The following PCDHGA3 variants were observed in gnomAD, a reference collection of about 807,000 sequenced individuals.
PCDHGA3 encodes protocadherin gamma-A3.
Under a neutral mutation model 58.5 loss-of-function variants are expected in PCDHGA3, and 40 were observed. The observed-to-expected ratio is 0.68, with a 90% CI of 0.53 to 0.89. The LOEUF (loss-of-function observed/expected upper bound fraction) is 0.89, where lower values mean the gene tolerates loss of function less well. Among genes scored for constraint, PCDHGA3 ranks in the 40% least tolerant of loss-of-function variants. PCDHGA3 has a pLI of 0.00. For missense variants in PCDHGA3, 1,223 were observed against 1,195.9 expected (o/e 1.02, Z -0.33); for synonymous variants, 530 against 525.7 (o/e 1.01, Z -0.11).
Position 141,418,027 on chromosome 5 carries a change from T to A in PCDHGA3, c.2424+71570T>A, listed in dbSNP as rs536104184. 2.4e-5 allele frequency: 38 copies of A among 1,613,808 alleles called. 1 individual carries two copies. In the South Asian group the frequency reaches 4.2e-4, roughly 18 times the overall value. ...GGAACCTCGCTAAGGATCTAGGGCT[T>A]AGTGTCCTGGATGTGTCGGCTCGCG... On this transcript the variant is annotated intron_variant, in intron 1 of 3. Coordinates refer to ENST00000253812, the MANE Select transcript of PCDHGA3 (RefSeq NM_018916.4).
intron 1 of PCDHGA3, chr5:141,414,525 T>C (rs1413988459): frequency 1.2e-6 from 2 of 1,613,972 alleles, no homozygotes; most frequent in South Asian, 1.1e-5. Flanking sequence ...CAGATATCAA[T>C]GACAACCCAC....
Position 141,477,889 on chromosome 5 carries a change from A to T in PCDHGA3, c.2425-16918A>T. 1 of 1,614,152 alleles carries T rather than the reference A, an allele frequency of 6.2e-7. No homozygotes were observed. Among genetic ancestry groups the T allele is most frequent in the Admixed American group, 1.7e-5 (1 of 60,016 alleles). On this transcript the variant is annotated intron_variant, in intron 1 of 3. Coordinates refer to ENST00000253812, the MANE Select transcript of PCDHGA3 (RefSeq NM_018916.4). This position sits in a 1 kb window ranked among gnomAD's most constrained non-coding sequence, Gnocchi z 4.9. The stretch of plus-strand genomic sequence containing the variant: ...GTACCTCAGCTGGCCACCTAGTGTC[A>T]CGGGTGGTAGGCTGGGACGCGGATG...
At chr5:141,414,677 AG>A in intron 1 of PCDHGA3, 1 of 1,613,794 alleles carries the variant, frequency 6.2e-7, no homozygotes, top group Non-Finnish European at 8.5e-7. Context: ...GACACCATCC[AG>A]GGGGTACCTC....
chr5:141,426,104 A>T (rs2096915289), intron 1 of PCDHGA3, among the ~76,000 whole-genome samples: 1 of 152,258 alleles, frequency 6.6e-6, no homozygotes, highest in Non-Finnish European at 1.5e-5. Flanking sequence ...GTTCAGTCAC[A>T]GAAGCAAGTC....
chr5:141,389,832 C>G (rs758113562), intron 1 of PCDHGA3: 1 of 1,613,966 alleles, frequency 6.2e-7, no homozygotes, highest in Admixed American at 1.7e-5. Context: ...CGGTGGACAG[C>G]CACCACTCTC....
chr5:141,413,573 A>G (rs375156046), intron 1 of PCDHGA3: 12 of 1,613,768 alleles, frequency 7.4e-6, no homozygotes, highest in South Asian at 4.4e-5. Context: ...ATCAATGACA[A>G]TGCTCCAAAA....
chr5:141,383,800 A>C, intron 1 of PCDHGA3: 1 of 1,614,000 alleles, frequency 6.2e-7, no homozygotes, highest in Non-Finnish European at 8.5e-7. Flanking sequence ...TACAGGAGAA[A>C]TATCAACTTT....
At position 141,476,901 on chromosome 5, in the gene PCDHGA3, G is replaced by C; in HGVS notation, c.2425-17906G>C. On this transcript the variant is annotated intron_variant, in intron 1 of 3. Coordinates refer to ENST00000253812, the MANE Select transcript of PCDHGA3 (RefSeq NM_018916.4). The surrounding 1 kb of genome is among the most constrained non-coding windows in gnomAD (Gnocchi z 7.6). ...CTGGAGGATGCACCCTCCGGCACGC[G>C]CGTGGTACAAGTCCTTGCAACGGAT... The C allele has an allele frequency of 1.2e-6, 2 of 1,613,900 alleles. No homozygotes were observed. Among genetic ancestry groups the C allele is most frequent in the Non-Finnish European group, 1.7e-6 (2 of 1,180,034 alleles).
At chr5:141,375,460 C>G (rs184685234) in intron 1 of PCDHGA3, 288 of 1,614,022 alleles carry the variant, frequency 1.8e-4, no homozygotes, top group Non-Finnish European at 2.3e-4. Flanking sequence ...CCTACTCAGT[C>G]TATGTCCTTG....
intron 2 of PCDHGA3, among the ~76,000 whole-genome samples, chr5:141,496,189 G>A (rs1362938002): frequency 1.3e-5 from 2 of 152,004 alleles, no homozygotes; most frequent in Admixed American, 6.6e-5. Flanking sequence ...AGCCCCAGCT[G>A]CTCATTTCAA....
At chr5:141,426,625 A>G (rs770683989) in intron 1 of PCDHGA3, 29 of 394,754 alleles carry the variant, frequency 7.3e-5, no homozygotes, top group South Asian at 7.2e-5. Context: ...AATCCTCTAA[A>G]TGTTTTTCAC....
Position 141,490,909 on chromosome 5 carries a change from G to C in PCDHGA3, c.2425-3898G>C. ...ATCTCTGCATGTGTTTGTCCTAGAC[G>C]AGAATGATAATGCCCCAGCTGTGCT... On this transcript the variant is annotated intron_variant, in intron 1 of 3. Coordinates refer to ENST00000253812, the MANE Select transcript of PCDHGA3 (RefSeq NM_018916.4). This position sits in a 1 kb window ranked among gnomAD's most constrained non-coding sequence, Gnocchi z 5.4. 1 of 1,613,744 alleles carries C rather than the reference G, an allele frequency of 6.2e-7. No individual in the cohort carries two copies. The highest frequency in any genetic ancestry group is 2.2e-5 in the East Asian group (1 of 44,870).
In PCDHGA3 at chr5:141,409,316, C is replaced by T. The variant is rs114361948; in HGVS notation, c.2424+62859C>T. 56 of 1,613,968 alleles carry T rather than the reference C, an allele frequency of 3.5e-5. No individual in the cohort carries two copies. The African/African-American group carries it at 6.5e-4, about 19-fold the overall frequency. On this transcript the variant is annotated intron_variant, in intron 1 of 3. Transcript: ENST00000253812. ...AATGGTTGTTGCCCTCTTCAAAACA[C>T]GGGATCTGGATTTCGGAGGAAATGG...
At position 141,486,609 on chromosome 5, in the gene PCDHGA3, C is replaced by T; in HGVS notation, c.2425-8198C>T. The T allele has an allele frequency of 6.2e-7, 1 of 1,613,568 alleles. No homozygotes were observed. ...GGGGACCTGCTTTGCTCCCTTGCAG[C>T]CTCTGACCCAGACTCTGGCTTGAAT... On this transcript the variant is annotated intron_variant, in intron 1 of 3. Transcript: ENST00000253812. The surrounding 1 kb of genome is among the most constrained non-coding windows in gnomAD (Gnocchi z 5.0).
chr5:141,385,560 T>C (rs920911668), intron 1 of PCDHGA3: 33 of 1,307,128 alleles, frequency 2.5e-5, no homozygotes, highest in Non-Finnish European at 3.0e-5. Context: ...ATTTTATAAT[T>C]TCCACCTACT....
At chr5:141,378,827 A>G (rs983017381) in intron 1 of PCDHGA3, 1 of 152,256 alleles carries the variant, frequency 6.6e-6, no homozygotes, top group African/African-American at 2.4e-5. Flanking sequence ...TTTCATGAAC[A>G]GAAAACAGCA....
Position 141,477,514 on chromosome 5 carries a change from T to G in PCDHGA3, c.2425-17293T>G. 1 of 1,614,114 alleles carries G rather than the reference T, an allele frequency of 6.2e-7. No individual in the cohort carries two copies. Among genetic ancestry groups the G allele is most frequent in the Non-Finnish European group, 8.5e-7 (1 of 1,180,026 alleles). On this transcript the variant is annotated intron_variant, in intron 1 of 3. Coordinates refer to ENST00000253812, the MANE Select transcript of PCDHGA3 (RefSeq NM_018916.4). The surrounding 1 kb of genome is among the most constrained non-coding windows in gnomAD (Gnocchi z 4.9). Reference sequence around the variant, plus strand: ...CTCAATCTTCCTACGACGTTTACATTGAAGAAAACAACCTCCCCGGGGCTC... The same window carrying G: ...CTCAATCTTCCTACGACGTTTACATGGAAGAAAACAACCTCCCCGGGGCTC...
chr5:141,507,344 AT>A (rs1345461058), intron 3 of PCDHGA3: 5 of 152,206 alleles, frequency 3.3e-5, no homozygotes, highest in Non-Finnish European at 5.9e-5. Context: ...TTTACCTGAA[AT>A]TCAAATTTAA....
chr5:141,378,459 G>T (rs1022046466), intron 1 of PCDHGA3: 5 of 152,250 alleles, frequency 3.3e-5, no homozygotes, highest in Admixed American at 6.5e-5. Context: ...TGAGGCAGAG[G>T]TTGCAGTGAG....
Sources: gnomAD v4.1 joint callset for allele counts (sites outside exome capture counted in the v4.1 genomes callset) on GRCh38, gnomAD v4.1.1 for gene constraint, Gnocchi (gnomAD v3.1) non-coding constraint, MANE v1.5 for transcripts, NCBI Gene and HGNC (gene_info 2026-07-23, HGNC 2026-07-21) for gene names.